PRDM16: variants seen among roughly 807,000 people sequenced by gnomAD.
PRDM16 encodes PR/SET domain 16.
Under a neutral mutation model 110.6 loss-of-function variants are expected in PRDM16, and 23 were observed. The observed-to-expected ratio is 0.21, with a 90% CI of 0.15 to 0.29. The LOEUF (loss-of-function observed/expected upper bound fraction) is 0.29, where lower values mean the gene tolerates loss of function less well. PRDM16 is among the 10% of genes least tolerant of loss of function. The pLI, the probability that PRDM16 is intolerant of heterozygous loss-of-function variation, is 1.00. For synonymous variants in PRDM16, 799 were observed against 781.8 expected (o/e 1.02, Z -0.37); for missense variants, 1,615 against 1,794.3 (o/e 0.90, Z 1.81).
chr1:3,399,744 T>A (rs1179948015), intron 5 of PRDM16, among the ~76,000 whole-genome samples: 1 of 152,158 alleles, frequency 6.6e-6, no homozygotes, highest in African/African-American at 2.4e-5. Context: ...AGTTGGTCAA[T>A]AATATGAGTG....
chr1:3,112,531 G>A (rs149081190), intron 1 of PRDM16, among the ~76,000 whole-genome samples: 2,113 of 152,312 alleles, frequency 0.014, 36 homozygotes, highest in Middle Eastern at 0.041. Flanking sequence ...CCAGGGCCCC[G>A]CTCAGTGGCC....
At chr1:3,250,344 C>T (rs952211738) in intron 3 of PRDM16, among the ~76,000 whole-genome samples, 8 of 152,146 alleles carry the variant, frequency 5.3e-5, no homozygotes, top group East Asian at 3.9e-4. Flanking sequence ...GTAGGGCGGT[C>T]CCGCAGGGGC....
At chr1:3,262,058 T>G (rs1640175316) in intron 3 of PRDM16, among the ~76,000 whole-genome samples, 1 of 152,256 alleles carries the variant, frequency 6.6e-6, no homozygotes, top group Non-Finnish European at 1.5e-5. Context: ...GGCTTGTTTA[T>G]TTGACTAATG....
chr1:3,314,003 C>T (rs1001539977), intron 3 of PRDM16, among the ~76,000 whole-genome samples: 1 of 151,276 alleles, frequency 6.6e-6, no homozygotes, highest in Non-Finnish European at 1.5e-5. Flanking sequence ...GGGAGTCACC[C>T]AGTGTCAGAC....
intron 1 of PRDM16, among the ~76,000 whole-genome samples, chr1:3,162,389 G>A (rs75051131): frequency 0.043 from 6,503 of 152,262 alleles, 480 homozygotes; most frequent in African/African-American, 0.15. Context: ...TTTCCCTGTG[G>A]ATAGGCCGGC....
chr1:3,151,879 C>T (rs1643781647), intron 1 of PRDM16, among the ~76,000 whole-genome samples: 1 of 152,206 alleles, frequency 6.6e-6, no homozygotes, highest in African/African-American at 2.4e-5. Context: ...TCTGGAGCAC[C>T]TTCCAGCCAA....
intron 8 of PRDM16, among the ~76,000 whole-genome samples, chr1:3,405,951 G>A (rs745489620): frequency 8.0e-4 from 122 of 152,306 alleles, no homozygotes; most frequent in Non-Finnish European, 1.6e-3. Context: ...TCCTGCAGAA[G>A]GAGCTGGACC....
At chr1:3,287,258 G>A (rs1640867269) in intron 3 of PRDM16, among the ~76,000 whole-genome samples, 1 of 151,208 alleles carries the variant, frequency 6.6e-6, no homozygotes. Context: ...GCATTTACCG[G>A]GGCTGGAGGC....
chr1:3,159,718 C>T (rs1308409223), intron 1 of PRDM16, among the ~76,000 whole-genome samples: 1 of 152,112 alleles, frequency 6.6e-6, no homozygotes, highest in Non-Finnish European at 1.5e-5. Flanking sequence ...TGGCCTGATC[C>T]GGACACTGTC....
intron 12 of PRDM16, among the ~76,000 whole-genome samples, chr1:3,419,672 T>C (rs902210490): frequency 1.3e-5 from 2 of 152,056 alleles, no homozygotes; most frequent in Non-Finnish European, 1.5e-5. Context: ...AAGATTTCTG[T>C]CCTCTGGCCA....
chr1:3,227,572 T>C (rs1639316380), intron 2 of PRDM16, among the ~76,000 whole-genome samples: 1 of 152,216 alleles, frequency 6.6e-6, no homozygotes, highest in Non-Finnish European at 1.5e-5. Flanking sequence ...CCGTGCACTC[T>C]AGCAGCCAGT....
chr1:3,417,074 C>T (rs1197203145), intron 10 of PRDM16, among the ~76,000 whole-genome samples: 1 of 152,218 alleles, frequency 6.6e-6, no homozygotes, highest in Admixed American at 6.5e-5. Flanking sequence ...GTCTGGGATT[C>T]TGATCAGAGC....
chr1:3,108,645 AG>A (rs1343621026), intron 1 of PRDM16, among the ~76,000 whole-genome samples: 1 of 152,190 alleles, frequency 6.6e-6, no homozygotes, highest in African/African-American at 2.4e-5. Context: ...GAGGAAACCA[AG>A]GCACAGAGAG....
At chr1:3,181,128 TCTTACACGCGGTCTTACACAC>T (rs1557508059) in intron 1 of PRDM16, among the ~76,000 whole-genome samples, 4 of 134,798 alleles carry the variant, frequency 3.0e-5, no homozygotes, top group African/African-American at 1.1e-4. Context: ...ACACACGCAG[TCTTACACGCGGTCTTACACAC>T]GCAGTCTTAC....
chr1:3,298,716 T>G (rs548091225), intron 3 of PRDM16, among the ~76,000 whole-genome samples: 1 of 152,216 alleles, frequency 6.6e-6, no homozygotes, highest in South Asian at 2.1e-4. Context: ...CCTTGGTTCC[T>G]GGGGGTTGGT....
rs895256086 is a variant in PRDM16 at position 3,430,747 on chromosome 1, T to G, written c.3285-125T>G. ...GGCCCAGGGACCCGCGGGAGCTCCC[T>G]CAGGAAGGGGGCTGAGTGTTGTCGG... On this transcript the variant is annotated intron_variant, in intron 14 of 16. Coordinates refer to ENST00000270722, the MANE Select transcript of PRDM16 (RefSeq NM_022114.4). 3.3e-5 allele frequency: 40 copies of G among 1,195,504 alleles called. No homozygotes were observed. The African/African-American group carries it at 5.8e-4, about 17-fold the overall frequency. The allele number at this position is 1,195,504 out of a possible 1,614,324, so 74.1% of individuals were successfully genotyped here.
At chr1:3,415,700 C>T (rs922183493) in intron 10 of PRDM16, among the ~76,000 whole-genome samples, 6 of 152,210 alleles carry the variant, frequency 3.9e-5, no homozygotes, top group South Asian at 2.1e-4. Flanking sequence ...GGGAGCCCAG[C>T]GGGGGGCAGT....
intron 2 of PRDM16, among the ~76,000 whole-genome samples, chr1:3,199,094 C>T (rs970076024): frequency 9.2e-5 from 14 of 152,228 alleles, no homozygotes; most frequent in African/African-American, 2.9e-4. Flanking sequence ...TCAGCCCTGG[C>T]GCTCAGCGGA....
At chr1:3,184,563 C>G (rs1056706708) in intron 1 of PRDM16, among the ~76,000 whole-genome samples, 3 of 152,186 alleles carry the variant, frequency 2.0e-5, no homozygotes, top group African/African-American at 7.2e-5. Context: ...CTAACACTCG[C>G]GCCTGCCTTT....
Sources: gnomAD v4.1 joint callset for allele counts (sites outside exome capture counted in the v4.1 genomes callset) on GRCh38, gnomAD v4.1.1 for gene constraint, MANE v1.5 for transcripts, NCBI Gene and HGNC (gene_info 2026-07-23, HGNC 2026-07-21) for gene names.